LRP12: variants seen among roughly 807,000 people sequenced by gnomAD.
LRP12 encodes the protein LDL receptor related protein 12, also known as low-density lipoprotein receptor-related protein 12.
LRP12 carries 14 observed loss-of-function variants against 66.0 expected under a neutral mutation model. The observed-to-expected ratio is 0.21, with a 90% CI of 0.14 to 0.33. The LOEUF (loss-of-function observed/expected upper bound fraction) is 0.33, where lower values mean the gene tolerates loss of function less well. Ranked by LOEUF, LRP12 falls within the 10% of genes least tolerant of loss-of-function variation. The pLI is 1.00. For missense variants in LRP12, 889 were observed against 1,053.4 expected, an observed-to-expected ratio of 0.84 and a Z score of 2.16; for synonymous variants, 357 against 359.1, an observed-to-expected ratio of 0.99 and a Z score of 0.07.
intron 5 of LRP12, chr8:104,496,222 ACT>A (rs1330462754): frequency 9.2e-5 from 14 of 152,210 alleles, no homozygotes; most frequent in Admixed American, 7.2e-4. Context: ...TTGTCACTTA[ACT>A]CTACAACAGG....
chr8:104,560,306 TACC>T (rs1811884036), intron 1 of LRP12, among the ~76,000 whole-genome samples: 2 of 152,116 alleles, frequency 1.3e-5, no homozygotes, highest in Non-Finnish European at 2.9e-5. Context: ...GAGGCTCTTC[TACC>T]ACCAAGACCA....
At chr8:104,563,338 C>T (rs1811944796) in intron 1 of LRP12, among the ~76,000 whole-genome samples, 2 of 152,004 alleles carry the variant, frequency 1.3e-5, no homozygotes, top group Admixed American at 1.3e-4. Flanking sequence ...CTCCAGTTTA[C>T]AAATGAAGAA....
intron 5 of LRP12, 166 bp from the exon 6 acceptor site, chr8:104,495,375 G>T: frequency 1.6e-6 from 1 of 618,892 alleles, no homozygotes; most frequent in Non-Finnish European, 2.7e-6. Flanking sequence ...CCCTACAGTG[G>T]GAATACAAAG....
At chr8:104,546,321 A>T (rs527492662) in intron 1 of LRP12, among the ~76,000 whole-genome samples, 5 of 152,268 alleles carry the variant, frequency 3.3e-5, no homozygotes, top group African/African-American at 9.6e-5. Context: ...AAATATGTCC[A>T]GTCAAGCAAC....
chr8:104,562,535 T>C (rs1489164090), intron 1 of LRP12, among the ~76,000 whole-genome samples: 1 of 152,208 alleles, frequency 6.6e-6, no homozygotes, highest in Non-Finnish European at 1.5e-5. Flanking sequence ...CAAGTATGAA[T>C]GCTCATTTCA....
At chr8:104,504,047 C>T (rs1269269467) in intron 3 of LRP12, among the ~76,000 whole-genome samples, 1 of 152,122 alleles carries the variant, frequency 6.6e-6, no homozygotes, top group African/African-American at 2.4e-5. Context: ...AATGCTGATT[C>T]AATTTCTTCA....
intron 3 of LRP12, chr8:104,504,541 T>G (rs1810876411): frequency 6.6e-6 from 1 of 152,208 alleles, no homozygotes; most frequent in South Asian, 2.1e-4. Flanking sequence ...CCCATTGTGA[T>G]TTCCTCTTTA....
chr8:104,563,066 A>G (rs1811939248), intron 1 of LRP12, among the ~76,000 whole-genome samples: 1 of 152,198 alleles, frequency 6.6e-6, no homozygotes, highest in Admixed American at 6.5e-5. Flanking sequence ...TGTAATGGTT[A>G]AGAGCACAGA....
At chr8:104,496,930 C>A in intron 5 of LRP12, 42 bp downstream of exon 5, 1 of 1,463,116 alleles carries the variant, frequency 6.8e-7, no homozygotes, top group Non-Finnish European at 9.0e-7. Context: ...AACACTTGGG[C>A]CTGCTTTTAT....
intron 1 of LRP12, among the ~76,000 whole-genome samples, chr8:104,570,812 T>C (rs1300311996): frequency 1.3e-5 from 2 of 152,030 alleles, no homozygotes; most frequent in Non-Finnish European, 2.9e-5. Flanking sequence ...CCAATGGCAC[T>C]GTCTAGAGAA....
chr8:104,521,613 A>T (rs1301800965), intron 2 of LRP12, among the ~76,000 whole-genome samples: 3 of 150,726 alleles, frequency 2.0e-5, no homozygotes, highest in Admixed American at 2.0e-4. Flanking sequence ...TAATGTTTTT[A>T]TATATATATA....
chr8:104,522,474 A>C (rs549608416), intron 2 of LRP12, among the ~76,000 whole-genome samples: 133 of 152,238 alleles, frequency 8.7e-4, no homozygotes, highest in South Asian at 1.5e-3. Context: ...ATTAAGAAAG[A>C]AACTTCCTAA....
intron 6 of LRP12, 59 bp from the exon 7 acceptor site, chr8:104,491,598 A>AAG: frequency 7.6e-7 from 1 of 1,312,744 alleles, no homozygotes; most frequent in Non-Finnish European, 1.0e-6. Context: ...GATAAAAAAA[A>AAG]AAAAAAACAC....
intron 1 of LRP12, among the ~76,000 whole-genome samples, chr8:104,538,000 G>C (rs1030737853): frequency 9.9e-5 from 15 of 152,076 alleles, no homozygotes; most frequent in African/African-American, 3.4e-4. Flanking sequence ...CCACATCCAG[G>C]GGAAGAGACA....
At chr8:104,538,911 T>C (rs1433080261) in intron 1 of LRP12, among the ~76,000 whole-genome samples, 1 of 152,206 alleles carries the variant, frequency 6.6e-6, no homozygotes, top group Non-Finnish European at 1.5e-5. Flanking sequence ...GCTACTGTAT[T>C]AGGCTTTATA....
chr8:104,579,549 T>C (rs943060206), intron 1 of LRP12, among the ~76,000 whole-genome samples: 1 of 152,188 alleles, frequency 6.6e-6, no homozygotes, highest in African/African-American at 2.4e-5. Flanking sequence ...AAATGACCAT[T>C]GACATTCTTC....
At chr8:104,511,907 T>G in intron 2 of LRP12, among the ~76,000 whole-genome samples, 1 of 149,240 alleles carries the variant, frequency 6.7e-6, no homozygotes, top group East Asian at 1.9e-4. Context: ...CTTTTTTTCT[T>G]TTTTTTTTTG....
intron 1 of LRP12, among the ~76,000 whole-genome samples, chr8:104,558,449 A>T (rs1811848805): frequency 6.6e-6 from 1 of 152,198 alleles, no homozygotes; most frequent in African/African-American, 2.4e-5. Context: ...TTATGCAAAA[A>T]TCAACTCAAC....
At position 104,490,529 on chromosome 8, in the gene LRP12, T is replaced by A. The variant is rs1335557960; in HGVS notation, c.*144A>T. ...TTCATAGAGTTACAAGTTGTCGAAT[T>A]TAACCATGCAGGCTAACATATAATA... is the stretch of plus-strand genomic sequence containing the variant. On this transcript the variant is annotated 3_prime_UTR_variant, in exon 7 of 7. Coordinates refer to ENST00000276654, the MANE Select transcript of LRP12 (RefSeq NM_013437.5). 2.2e-6 allele frequency: 2 copies of A among 907,870 alleles called. No individual in the cohort carries two copies. The highest frequency in any genetic ancestry group is 3.3e-6 in the Non-Finnish European group (2 of 614,292). The allele number at this position is 907,870 out of a possible 1,614,324, so 56.2% of individuals were successfully genotyped here.
Sources: allele counts gnomAD v4.1 joint callset (sites outside exome capture counted in the v4.1 genomes callset), GRCh38; gene constraint gnomAD v4.1.1; transcripts MANE v1.5; gene names NCBI Gene and HGNC (gene_info 2026-07-23, HGNC 2026-07-21).